ZNF492: variants seen among roughly 807,000 people sequenced by gnomAD.
ZNF492 encodes the protein zinc finger protein 492.
A neutral mutation model predicts 6.4 loss-of-function variants in ZNF492; 3 were observed. The observed-to-expected ratio is 0.47, with a 90% CI of 0.21 to 1.22. The LOEUF is 1.22. ZNF492 is among the 50% of genes most tolerant of loss of function. The pLI is 0.22. For synonymous variants in ZNF492, 112 were observed against 205.3 expected, an observed-to-expected ratio of 0.55 and a Z score of 3.89; for missense variants, 356 against 612.5, an observed-to-expected ratio of 0.58 and a Z score of 4.42.
intron 3 of ZNF492, among the ~76,000 whole-genome samples, chr19:22,660,510 T>TA (rs1409682464): frequency 4.0e-5 from 6 of 151,034 alleles, no homozygotes; most frequent in African/African-American, 1.2e-4. Context: ...CTCAGTTGAA[T>TA]AAAAAAATCT....
chr19:22,656,737 A>G (rs1972000282), intron 3 of ZNF492, among the ~76,000 whole-genome samples: 1 of 152,088 alleles, frequency 6.6e-6, no homozygotes, highest in Non-Finnish European at 1.5e-5. Flanking sequence ...GTAGCCAAGA[A>G]CAGGGGTCCT....
chr19:22,641,241 A>G (rs1289349387), intron 1 of ZNF492, among the ~76,000 whole-genome samples: 2 of 152,208 alleles, frequency 1.3e-5, no homozygotes, highest in African/African-American at 4.8e-5. Context: ...ATTTAATGCT[A>G]TAATTTTTTT....
At chr19:22,659,666 TG>T (rs60201374) in intron 3 of ZNF492, among the ~76,000 whole-genome samples, 17,327 of 134,022 alleles carry the variant, frequency 0.13, 1,421 homozygotes, top group Non-Finnish European at 0.16. Flanking sequence ...TTTTTTTTGT[TG>T]TTTTTTTTTT....
At chr19:22,659,601 G>C (rs1423836653) in intron 3 of ZNF492, among the ~76,000 whole-genome samples, 201 of 132,542 alleles carry the variant, frequency 1.5e-3, no homozygotes, top group African/African-American at 6.3e-3. Flanking sequence ...CAGAGAGAGA[G>C]AGAGACGTGT....
chr19:22,662,576 C>A (rs973010671), intron 3 of ZNF492, among the ~76,000 whole-genome samples: 62 of 152,076 alleles, frequency 4.1e-4, no homozygotes, highest in African/African-American at 1.4e-3. Context: ...TCTATTTCTC[C>A]ACATCCTCTC....
intron 1 of ZNF492, among the ~76,000 whole-genome samples, chr19:22,650,394 G>T (rs770850286): frequency 7.9e-5 from 12 of 151,596 alleles, no homozygotes; most frequent in African/African-American, 2.9e-4. Context: ...CACCCAGTTG[G>T]GTGGCATGAG....
intron 3 of ZNF492, among the ~76,000 whole-genome samples, chr19:22,655,474 CT>C (rs1170201210): frequency 1.1e-4 from 17 of 151,870 alleles, no homozygotes; most frequent in African/African-American, 3.9e-4. Flanking sequence ...CTTTCTGTCT[CT>C]TTTTTGTCAG....
At chr19:22,646,928 C>A (rs80180879) in intron 1 of ZNF492, among the ~76,000 whole-genome samples, 12,337 of 152,156 alleles carry the variant, frequency 0.081, 1,625 homozygotes, top group African/African-American at 0.28. Flanking sequence ...CCGAGTTTCT[C>A]TCTTGTTGCC....
Position 22,646,959 on chromosome 19 carries a change from G to A in ZNF492, c.-93-6348G>A, listed in dbSNP as rs533425210. ...TTGCCCAGTGCAATGGTGTAATCTCGGCTCACCGCAACCTCCGCCTCCTGG... is the reference window on the plus strand; with the variant it reads ...TTGCCCAGTGCAATGGTGTAATCTCAGCTCACCGCAACCTCCGCCTCCTGG... On this transcript the variant is annotated intron_variant, in intron 1 of 3. Transcript: ENST00000456783. Among the ~76,000 whole-genome samples the A allele has an allele frequency of 6.6e-5, 10 of 152,004 alleles. No homozygotes were observed. The South Asian group carries it at 1.9e-3, about 29-fold the overall frequency.
intron 3 of ZNF492, among the ~76,000 whole-genome samples, chr19:22,655,377 G>A (rs1208580698): frequency 6.6e-6 from 1 of 150,576 alleles, no homozygotes. Context: ...TTTTATTGAT[G>A]TATCTTTTAT....
intron 1 of ZNF492, among the ~76,000 whole-genome samples, chr19:22,638,920 G>T (rs1311653454): frequency 6.6e-6 from 1 of 152,040 alleles, no homozygotes; most frequent in Admixed American, 6.6e-5. Context: ...TCGGCTCACT[G>T]CAACCTCTGC....
At chr19:22,651,480 T>C (rs1971939190) in intron 1 of ZNF492, among the ~76,000 whole-genome samples, 1 of 152,188 alleles carries the variant, frequency 6.6e-6, no homozygotes, top group Admixed American at 6.5e-5. Context: ...TTTCTACTTG[T>C]GCTTTTTCTT....
chr19:22,665,424 G>T lies in ZNF492; in HGVS notation c.*159G>T, dbSNP rs1050856854. ...TGCACAGGAAAGCCTTTATACTTGA[G>T]AACAAATGTACAAATATAAAGAAAG... On this transcript the variant is annotated 3_prime_UTR_variant, in exon 4 of 4. Coordinates refer to ENST00000456783, the MANE Select transcript of ZNF492 (RefSeq NM_020855.3). 5.1e-6 allele frequency: 7 copies of T among 1,380,688 alleles called. No individual in the cohort carries two copies. In the African/African-American group the frequency reaches 7.3e-5, roughly 14 times the overall value. The allele number at this position is 1,380,688 out of a possible 1,614,324, so 85.5% of individuals were successfully genotyped here.
At chr19:22,638,816 G>A (rs1971794139) in intron 1 of ZNF492, among the ~76,000 whole-genome samples, 1 of 150,904 alleles carries the variant, frequency 6.6e-6, no homozygotes, top group Admixed American at 6.6e-5. Flanking sequence ...TTGGCAGGAT[G>A]ACTATTTTAA....
At chr19:22,650,273 A>G (rs1971926080) in intron 1 of ZNF492, among the ~76,000 whole-genome samples, 1 of 152,142 alleles carries the variant, frequency 6.6e-6, no homozygotes, top group Non-Finnish European at 1.5e-5. Context: ...GAGAACAGCA[A>G]AGATGGGTGC....
At chr19:22,648,589 G>T (rs1351095745) in intron 1 of ZNF492, among the ~76,000 whole-genome samples, 1 of 152,206 alleles carries the variant, frequency 6.6e-6, no homozygotes, top group East Asian at 1.9e-4. Flanking sequence ...AAGTCTCTTT[G>T]TAGGTCTCTA....
rs1972143070 is a variant in ZNF492 at position 22,667,458 on chromosome 19, C to A, written c.*2193C>A. On this transcript the variant is annotated 3_prime_UTR_variant, in exon 4 of 4. Transcript: ENST00000456783. ...ATATATGGCATATTCTGATAAGAGG[C>A]ATACAATATGTAATAATCACATTAG... 1 of 151,942 alleles carries A rather than the reference C, an allele frequency of 6.6e-6. No homozygotes were observed. The highest frequency in any genetic ancestry group is 1.5e-5 in the Non-Finnish European group (1 of 68,002). The allele number at this position is 151,942 out of a possible 1,614,324, so 9.4% of individuals were successfully genotyped here. A position where few individuals can be genotyped will look rare whatever the true frequency, so the allele number is the denominator to read the frequency against.
rs1226086574 is a variant in ZNF492, at chr19:22,664,992, A to T, written c.1323A>T (p.Val441=). Residue 441 remains valine (V), a synonymous_variant, in exon 4 of 4, where the codon GTA becomes GTT. Transcript: ENST00000456783. Reference sequence around the variant, plus strand: ...CCTCAACTCTTTCTAAACATAAGGTAATTCATACTGGAGAGAAGCCCTACA... The same window carrying T: ...CCTCAACTCTTTCTAAACATAAGGTTATTCATACTGGAGAGAAGCCCTACA... The part of the protein sequence containing the change: ...NQSSTLSKHK[V]IHTGEKPYKY... 6.3e-7 allele frequency: 1 copy of T among 1,588,434 alleles called. No individual in the cohort carries two copies. The highest frequency in any genetic ancestry group is 1.1e-5 in the South Asian group (1 of 89,262).
chr19:22,655,200 G>A (rs1237674436), intron 3 of ZNF492, among the ~76,000 whole-genome samples: 3 of 151,586 alleles, frequency 2.0e-5, no homozygotes, highest in East Asian at 2.0e-4. Flanking sequence ...AGGCTGAGGC[G>A]GAAGAATCGC....
Sources: gnomAD v4.1 joint callset for allele counts (sites outside exome capture counted in the v4.1 genomes callset) on GRCh38, gnomAD v4.1.1 for gene constraint, MANE v1.5 for transcripts, NCBI Gene and HGNC (gene_info 2026-07-23, HGNC 2026-07-21) for gene names.